ARMCX4: variants seen among roughly 807,000 people sequenced by gnomAD.
The protein encoded by ARMCX4 is armadillo repeat containing X-linked 4.
ARMCX4 carries 3 observed loss-of-function variants against 34.7 expected under a neutral mutation model. That is an observed-to-expected ratio of 0.09 (90% confidence interval 0.04 to 0.22). ARMCX4 has a LOEUF of 0.22. Among genes scored for constraint, ARMCX4 ranks in the 10% least tolerant of loss-of-function variants. ARMCX4 has a pLI of 1.00. For missense variants in ARMCX4, 1,448 were observed against 1,720.8 expected (o/e 0.84, Z 2.81); for synonymous variants, 513 against 632.8 (o/e 0.81, Z 2.84).
chrX:101,487,476 A>G (rs1933790935), intron 3 of ARMCX4, 132 bp from the exon 4 acceptor site: 1 of 243,345 alleles, frequency 4.1e-6, no homozygotes. Context: ...TGGGGGGACC[A>G]TGAGATGGTA....
intron 7 of ARMCX4, among the ~76,000 whole-genome samples, chrX:101,502,004 G>A (rs1169513612): frequency 8.9e-6 from 1 of 112,598 alleles, no homozygotes; most frequent in Non-Finnish European, 1.9e-5. Context: ...CCTATGGGAA[G>A]CCCCTATGGG....
rs782815799 is a variant in ARMCX4, at chrX:101,461,012, T to C, written c.-473+14968T>C. ...CTCTGATTTCCCTGGGTGCTGGCAC[T>C]TGATGCTCTCCATGGTATTGCTCAA... On this transcript the variant is annotated intron_variant and NMD_transcript_variant, in intron 4 of 15. Transcript: ENST00000433011. Among the ~76,000 whole-genome samples, 29 of 112,447 alleles carry C rather than the reference T, an allele frequency of 2.6e-4. 1 individual carries two copies. Among genetic ancestry groups the C allele is most frequent in the African/African-American group, 9.4e-4 (29 of 31,015 alleles).
chrX:101,468,892 A>G (rs1393430174), intron 4 of ARMCX4, among the ~76,000 whole-genome samples: 2 of 112,081 alleles, frequency 1.8e-5, no homozygotes, highest in Non-Finnish European at 3.8e-5. Context: ...CCATAAATAA[A>G]AAGACTGATG....
intron 11 of ARMCX4, among the ~76,000 whole-genome samples, chrX:101,526,170 G>A (rs1403880161): frequency 1.8e-5 from 2 of 111,997 alleles, no homozygotes; most frequent in Admixed American, 9.5e-5. Context: ...GAGAGTGGGG[G>A]CCAATATTCA....
chrX:101,488,154 A>T, intron 5 of ARMCX4, 55 bp downstream of exon 5: 1 of 497,422 alleles, frequency 2.0e-6, no homozygotes, highest in Non-Finnish European at 3.0e-6. Flanking sequence ...TCCAGTAGAA[A>T]TCAAAGTCTG....
intron 12 of ARMCX4, chrX:101,532,877 G>A (rs1326643583): frequency 9.0e-6 from 1 of 111,616 alleles, no homozygotes; most frequent in Non-Finnish European, 1.9e-5. Context: ...GGGCGAATAT[G>A]ATTGAATTAG....
chrX:101,534,276 A>G (rs1556022933), downstream of ARMCX4, among the ~76,000 whole-genome samples: 1 of 111,820 alleles, frequency 8.9e-6, no homozygotes, highest in African/African-American at 3.2e-5. Context: ...TTGGATAGAA[A>G]GATATTCCTG....
chrX:101,520,572 A>G (rs1556018857), intron 11 of ARMCX4, among the ~76,000 whole-genome samples: 1 of 111,820 alleles, frequency 8.9e-6, no homozygotes, highest in Non-Finnish European at 1.9e-5. Context: ...ACGTTGATTG[A>G]TTTTCAGATG....
upstream of ARMCX4, among the ~76,000 whole-genome samples, chrX:101,484,357 G>T (rs1556006013): frequency 8.9e-6 from 1 of 112,052 alleles, no homozygotes; most frequent in African/African-American, 3.2e-5. Flanking sequence ...TCTAGCAGTT[G>T]GTTGTTCCAT....
chrX:101,514,042 C>T (rs1934655576), intron 11 of ARMCX4, among the ~76,000 whole-genome samples: 1 of 111,298 alleles, frequency 9.0e-6, no homozygotes, highest in African/African-American at 3.3e-5. Context: ...AGACCAATAA[C>T]CCCAGCTAGT....
chrX:101,529,629 A>G (rs1180819732), intron 11 of ARMCX4, among the ~76,000 whole-genome samples: 1 of 112,283 alleles, frequency 8.9e-6, no homozygotes, highest in Middle Eastern at 4.2e-3. Context: ...ACTTAAACAA[A>G]TTTACAAGAA....
intron 2 of ARMCX4, among the ~76,000 whole-genome samples, chrX:101,442,715 C>A (rs1357255195): frequency 2.7e-5 from 3 of 111,255 alleles, no homozygotes; most frequent in African/African-American, 9.8e-5. Context: ...CAGTTTTCCA[C>A]CCCTGTAAAG....
At chrX:101,497,311 A>T (rs1368311950), downstream of ARMCX4, among the ~76,000 whole-genome samples, 1 of 109,361 alleles carries the variant, frequency 9.1e-6, no homozygotes, top group Admixed American at 9.8e-5. Context: ...GTCTGGGCTC[A>T]CTGCAACCTC....
At chrX:101,460,180 G>A (rs1451814207) in intron 4 of ARMCX4, among the ~76,000 whole-genome samples, 1 of 112,540 alleles carries the variant, frequency 8.9e-6, no homozygotes, top group Admixed American at 9.4e-5. Context: ...ACATGGCCTG[G>A]AGTCAAAGCA....
chrX:101,465,742 A>G (rs1267054484), intron 4 of ARMCX4, among the ~76,000 whole-genome samples: 1 of 112,136 alleles, frequency 8.9e-6, no homozygotes, highest in Admixed American at 9.5e-5. Flanking sequence ...AAACTGCAGA[A>G]TACAGTTTAT....
chrX:101,430,930 T>G (rs897727254), intron 2 of ARMCX4, among the ~76,000 whole-genome samples: 12 of 111,210 alleles, frequency 1.1e-4, no homozygotes, highest in African/African-American at 3.9e-4. Context: ...AAAATAAATA[T>G]TTACAGAGTG....
chrX:101,465,955 T>G (rs1932785843), intron 4 of ARMCX4, among the ~76,000 whole-genome samples: 1 of 110,758 alleles, frequency 9.0e-6, no homozygotes, highest in South Asian at 3.7e-4. Context: ...TTGGCAAACT[T>G]TTTTTGGTAG....
At chrX:101,465,817 A>G (rs1300983791) in intron 4 of ARMCX4, among the ~76,000 whole-genome samples, 3 of 112,259 alleles carry the variant, frequency 2.7e-5, no homozygotes, top group Non-Finnish European at 5.6e-5. Flanking sequence ...GTCTCAACAA[A>G]CAGCAAAGGG....
intron 11 of ARMCX4, among the ~76,000 whole-genome samples, chrX:101,526,262 C>A (rs1385320410): frequency 6.3e-5 from 7 of 111,581 alleles, no homozygotes; most frequent in Admixed American, 1.9e-4. Context: ...GAAATAAAAT[C>A]CTTTACAGAC....
Sources: gnomAD v4.1 joint callset for allele counts (sites outside exome capture counted in the v4.1 genomes callset) on GRCh38, gnomAD v4.1.1 for gene constraint, MANE v1.5 for transcripts, NCBI Gene and HGNC (gene_info 2026-07-23, HGNC 2026-07-21) for gene names.